Variants in UBE3B observed in about 807,000 individuals in gnomAD.
UBE3B encodes ubiquitin-protein ligase E3B.
A neutral mutation model predicts 132.3 loss-of-function variants in UBE3B; 80 were observed. The ratio of observed to expected loss-of-function variants is 0.60; its 90% CI spans 0.50 to 0.73. The LOEUF (loss-of-function observed/expected upper bound fraction) is 0.73, where lower values mean the gene tolerates loss of function less well. UBE3B is among the 30% of genes least tolerant of loss of function. The pLI, the probability that UBE3B is intolerant of heterozygous loss-of-function variation, is 0.00. For synonymous variants in UBE3B, 487 were observed against 520.4 expected, an observed-to-expected ratio of 0.94 and a Z score of 0.87; for missense variants, 1,196 against 1,362.5, an observed-to-expected ratio of 0.88 and a Z score of 1.92.
In UBE3B at chr12:109,522,162, T is replaced by G. The variant is rs762954618; in HGVS notation, c.2364+611T>G. Among the ~76,000 whole-genome samples the G allele has an allele frequency of 6.6e-6, 1 of 152,184 alleles. No homozygotes were observed. The highest frequency in any genetic ancestry group is 2.4e-5 in the African/African-American group (1 of 41,436). On this transcript the variant is annotated intron_variant, in intron 21 of 27. Transcript: ENST00000342494. This position sits in a 1 kb window ranked among gnomAD's most constrained non-coding sequence, Gnocchi z 4.2. ...GATAAGAAAAGCCACATTCCTGGGT[T>G]GCCGTTAATGGTAAGTGAGGAGGGC...
intron 14 of UBE3B, among the ~76,000 whole-genome samples, chr12:109,505,198 G>A (rs573082806): frequency 3.3e-5 from 5 of 152,306 alleles, no homozygotes; most frequent in Admixed American, 2.6e-4. Context: ...TAGCAACTTA[G>A]ATTATAGAAA....
intron 8 of UBE3B, chr12:109,490,838 G>A: frequency 8.6e-7 from 1 of 1,169,386 alleles, no homozygotes; most frequent in South Asian, 2.0e-5. Flanking sequence ...TTTTTTTTAA[G>A]AGACAGGGTT....
chr12:109,528,031 A>T (rs566181829), intron 24 of UBE3B, among the ~76,000 whole-genome samples: 46 of 152,190 alleles, frequency 3.0e-4, no homozygotes, highest in Non-Finnish European at 6.3e-4. Flanking sequence ...CAGAGGAGGT[A>T]GGTGGGAGCA....
intron 24 of UBE3B, among the ~76,000 whole-genome samples, chr12:109,529,607 C>T (rs73196292): frequency 0.054 from 8,144 of 152,192 alleles, 301 homozygotes; most frequent in Non-Finnish European, 0.082. Context: ...TTGTGATTCC[C>T]GACATAGTGG....
chr12:109,515,623 C>T (rs1880943221), intron 18 of UBE3B, among the ~76,000 whole-genome samples: 1 of 152,194 alleles, frequency 6.6e-6, no homozygotes, highest in Non-Finnish European at 1.5e-5. Context: ...CCTGCCTCGG[C>T]CTCTCAAAGT....
At position 109,530,444 on chromosome 12, in the gene UBE3B, G is replaced by T. The variant is rs545418009; in HGVS notation, c.2811-103G>T. On this transcript the variant is annotated intron_variant, in intron 25 of 27. Transcript: ENST00000342494. The stretch of plus-strand genomic sequence containing the variant: ...TAAGAGAAATTAGTAGTGTTCCCCA[G>T]GCCTGCCAGAGTGGACCGTGCCAGC... 296 of 913,950 alleles carry T rather than the reference G, an allele frequency of 3.2e-4. No homozygotes were observed. In the African/African-American group the frequency reaches 4.5e-3, roughly 14 times the overall value. 56.6% of individuals were successfully genotyped at this position (913,950 alleles called of 1,614,324 possible). A position where few individuals can be genotyped will look rare whatever the true frequency, so the allele number is the denominator to read the frequency against.
chr12:109,508,627 T>G (rs927662489), intron 15 of UBE3B: 2 of 985,444 alleles, frequency 2.0e-6, no homozygotes, highest in African/African-American at 3.5e-5. Context: ...AGGTGGCAGA[T>G]TGGGTGAGGA....
At chr12:109,490,473 C>T in intron 8 of UBE3B, 1 of 1,535,246 alleles carries the variant, frequency 6.5e-7, no homozygotes. Context: ...GTTGACTTTG[C>T]CCTTCCTTCT....
At chr12:109,486,139 T>TGG in intron 5 of UBE3B, 68 bp downstream of exon 5, 1 of 1,491,858 alleles carries the variant, frequency 6.7e-7, no homozygotes, top group Non-Finnish European at 9.0e-7. Context: ...CTCTGAAAGT[T>TGG]CCTGTTGAAT....
chr12:109,510,505 G>A (rs767375004), intron 17 of UBE3B, 47 bp downstream of exon 17: 39 of 1,484,050 alleles, frequency 2.6e-5, no homozygotes, highest in Middle Eastern at 1.9e-4. Flanking sequence ...AGCCTGCTCC[G>A]GCACGCTGCC....
intron 14 of UBE3B, among the ~76,000 whole-genome samples, 181 bp downstream of exon 14, chr12:109,503,371 A>G (rs970152460): frequency 1.3e-5 from 2 of 152,150 alleles, no homozygotes; most frequent in Non-Finnish European, 2.9e-5. Context: ...GCTCACCTCA[A>G]TCATAAGCAC....
intron 19 of UBE3B, chr12:109,520,835 T>C (rs1354969307): frequency 4.0e-6 from 1 of 252,460 alleles, no homozygotes; most frequent in Non-Finnish European, 7.6e-6. Context: ...TCCCGGTTTC[T>C]TTCATCCTTT....
At position 109,526,346 on chromosome 12, in the gene UBE3B, C is replaced by G. The variant is rs1210833802; in HGVS notation, c.2569-12C>G. On this transcript the variant is annotated splice_polypyrimidine_tract_variant and intron_variant, in intron 23 of 27. Coordinates refer to ENST00000342494, the MANE Select transcript of UBE3B (RefSeq NM_130466.4). ...AGTCCTCCCTATTAATTACTCCCAT[C>G]TTCTCCCCCAGCTTGTTTGCCATGA... 6.2e-7 allele frequency: 1 copy of G among 1,613,954 alleles called. No homozygotes were observed. The highest frequency in any genetic ancestry group is 8.5e-7 in the Non-Finnish European group (1 of 1,179,964).
intron 4 of UBE3B, among the ~76,000 whole-genome samples, chr12:109,485,517 G>T (rs1430142347): frequency 6.6e-6 from 1 of 152,216 alleles, no homozygotes; most frequent in Non-Finnish European, 1.5e-5. Context: ...GCGGATCCAG[G>T]ATTGGTATAG....
intron 26 of UBE3B, among the ~76,000 whole-genome samples, chr12:109,533,223 G>C (rs1257481142): frequency 6.6e-6 from 1 of 152,172 alleles, no homozygotes; most frequent in African/African-American, 2.4e-5. Flanking sequence ...CTCACAAGTG[G>C]CCAGTCGCAC....
intron 25 of UBE3B, 143 bp downstream of exon 25, chr12:109,530,215 G>A: frequency 9.9e-7 from 1 of 1,012,038 alleles, no homozygotes; most frequent in Non-Finnish European, 1.4e-6. Flanking sequence ...AGACTGCTTT[G>A]GATTAAAAGC....
downstream of UBE3B, among the ~76,000 whole-genome samples, chr12:109,536,947 ACTT>A (rs1285806633): frequency 6.6e-6 from 1 of 152,074 alleles, no homozygotes; most frequent in Admixed American, 6.5e-5. Flanking sequence ...CCTCTCACCC[ACTT>A]CCCAGAGGCA....
At chr12:109,538,574 C>T (rs539206639), downstream of UBE3B, among the ~76,000 whole-genome samples, 25 of 152,334 alleles carry the variant, frequency 1.6e-4, no homozygotes, top group African/African-American at 5.3e-4. This position sits in a 1 kb window ranked among gnomAD's most constrained non-coding sequence, Gnocchi z 4.1. Context: ...GCACCAAGTA[C>T]GCATCCGTTA....
chr12:109,526,467 C>G, intron 24 of UBE3B, 51 bp downstream of exon 24: 1 of 1,547,972 alleles, frequency 6.5e-7, no homozygotes, highest in Non-Finnish European at 8.9e-7. Flanking sequence ...AGACTTCATT[C>G]TGGCTCTCTG....
Sources: gnomAD v4.1 joint callset for allele counts (sites outside exome capture counted in the v4.1 genomes callset) on GRCh38, gnomAD v4.1.1 for gene constraint, Gnocchi (gnomAD v3.1) non-coding constraint, MANE v1.5 for transcripts, NCBI Gene and HGNC (gene_info 2026-07-23, HGNC 2026-07-21) for gene names.